SLC12A5: variants seen among roughly 807,000 people sequenced by gnomAD.
SLC12A5 encodes the protein solute carrier family 12 member 5, also known as K-Cl cotransporter 2.
In SLC12A5, 18 loss-of-function variants were observed where a neutral mutation model predicts 124.0. The observed-to-expected ratio is 0.15, with a 90% CI of 0.10 to 0.22. SLC12A5 has a LOEUF of 0.22. Ranked by LOEUF, SLC12A5 falls within the 10% of genes least tolerant of loss-of-function variation. The pLI, the probability that SLC12A5 is intolerant of heterozygous loss-of-function variation, is 1.00. For synonymous variants in SLC12A5, 589 were observed against 568.0 expected, an observed-to-expected ratio of 1.04 and a Z score of -0.53; for missense variants, 867 against 1,478.7, an observed-to-expected ratio of 0.59 and a Z score of 6.78.
chr20:46,047,403 C>G, intron 14 of SLC12A5, 51 bp from the exon 15 acceptor site: 1 of 1,596,706 alleles, frequency 6.3e-7, no homozygotes, highest in Non-Finnish European at 8.6e-7. Flanking sequence ...GTCCCAGCTT[C>G]AGCAACAGCC....
rs1288845168 is a variant in SLC12A5 at position 46,056,102 on chromosome 20, G to A, written c.2788-48G>A. The A allele has an allele frequency of 6.2e-7, 1 of 1,609,832 alleles. No homozygotes were observed. The highest frequency in any genetic ancestry group is 8.5e-7 in the Non-Finnish European group (1 of 1,177,918). ...CTGGTGATAGCTCTTTGCAGGGCAT[G>A]GGTGGTGACTCCCAGCAGAGCTGGC... On this transcript the variant is annotated intron_variant, in intron 21 of 25. Transcript: ENST00000243964. This position sits in a 1 kb window ranked among gnomAD's most constrained non-coding sequence, Gnocchi z 4.3.
chr20:46,039,681 A>G (rs920026609), intron 6 of SLC12A5, among the ~76,000 whole-genome samples: 2 of 152,110 alleles, frequency 1.3e-5, no homozygotes, highest in African/African-American at 4.8e-5. Context: ...AGGCTGAGGC[A>G]GGAGAATCAC....
rs2084705971 is a variant in SLC12A5 at position 46,057,373 on chromosome 20, T to G, written c.3259+70T>G. 6.2e-7 allele frequency: 1 copy of G among 1,610,610 alleles called. No individual in the cohort carries two copies. Among genetic ancestry groups the G allele is most frequent in the Non-Finnish European group, 8.5e-7 (1 of 1,177,032 alleles). On this transcript the variant is annotated intron_variant, in intron 25 of 25. Coordinates refer to ENST00000243964, the MANE Select transcript of SLC12A5 (RefSeq NM_020708.5). This position sits in a 1 kb window ranked among gnomAD's most constrained non-coding sequence, Gnocchi z 7.1. ...GGGAATCTGGGTCCTGTCCCTGGGATGGAAGAGCTGAGCTGTTCCTGCCTC... is the reference window on the plus strand; with the variant it reads ...GGGAATCTGGGTCCTGTCCCTGGGAGGGAAGAGCTGAGCTGTTCCTGCCTC...
intron 9 of SLC12A5, 100 bp downstream of exon 9, chr20:46,043,423 A>G (rs767871416): frequency 5.5e-6 from 8 of 1,445,268 alleles, no homozygotes; most frequent in Non-Finnish European, 7.6e-6. Flanking sequence ...AAACCCCATC[A>G]TGAAAGCAAC....
At position 46,056,596 on chromosome 20, in the gene SLC12A5, G is replaced by T. The variant is rs1380339581; in HGVS notation, c.3110+32G>T. On this transcript the variant is annotated intron_variant, in intron 23 of 25. Transcript: ENST00000243964. This position sits in a 1 kb window ranked among gnomAD's most constrained non-coding sequence, Gnocchi z 4.3. ...GCCTGGGGGCTAAGGGCTGGGGGCT[G>T]GGGTGAGCTAAAGGGTCTTGCTCCC... The T allele has an allele frequency of 3.1e-6, 5 of 1,599,708 alleles. No homozygotes were observed. Among genetic ancestry groups the T allele is most frequent in the Non-Finnish European group, 4.3e-6 (5 of 1,172,284 alleles).
intron 1 of SLC12A5, among the ~76,000 whole-genome samples, chr20:46,029,805 T>G (rs2084429897): frequency 6.6e-6 from 1 of 151,894 alleles, no homozygotes; most frequent in African/African-American, 2.4e-5. Context: ...GGGCGCAGTC[T>G]GCTGCAGTCC....
intron 17 of SLC12A5, among the ~76,000 whole-genome samples, chr20:46,050,050 G>A (rs2084634484): frequency 6.6e-6 from 1 of 152,236 alleles, no homozygotes; most frequent in Non-Finnish European, 1.5e-5. Context: ...CAGGTCATAT[G>A]TCTAAGGACA....
At chr20:46,023,332 C>T (rs2145466151) in intron 2 of SLC12A5, 1 of 398,616 alleles carries the variant, frequency 2.5e-6, no homozygotes, top group East Asian at 3.6e-5. Context: ...GTAAGAAATT[C>T]TGGAGCCATT....
rs187390938 is a variant in SLC12A5, at chr20:46,053,505, G to C, written c.2548-73G>C. ...GGGTGGGAAGAGGGGAAGGGTGAGC[G>C]GACAGGGCCTGGCCCTGGATCTCCT... On this transcript the variant is annotated intron_variant, in intron 19 of 25. Coordinates refer to ENST00000243964, the MANE Select transcript of SLC12A5 (RefSeq NM_020708.5). The surrounding 1 kb of genome is among the most constrained non-coding windows in gnomAD (Gnocchi z 4.7). 1.7e-5 allele frequency: 27 copies of C among 1,583,332 alleles called. No homozygotes were observed. The highest frequency in any genetic ancestry group is 2.2e-5 in the Non-Finnish European group (25 of 1,162,506).
upstream of SLC12A5, among the ~76,000 whole-genome samples, chr20:46,027,139 C>T (rs1175968984): frequency 6.6e-6 from 1 of 152,116 alleles, no homozygotes; most frequent in Non-Finnish European, 1.5e-5. Context: ...AGTGGAGTGG[C>T]ATGCTTAAAA....
chr20:46,044,815 A>G, intron 11 of SLC12A5, 151 bp from the exon 12 acceptor site: 2 of 821,878 alleles, frequency 2.4e-6, no homozygotes, highest in Middle Eastern at 2.4e-4. Flanking sequence ...GGAAAAAACA[A>G]TGGAACATTT....
chr20:46,043,585 G>T, intron 9 of SLC12A5, 48 bp from the exon 10 acceptor site: 1 of 1,590,250 alleles, frequency 6.3e-7, no homozygotes, highest in South Asian at 1.1e-5. Context: ...CATCTGTCTG[G>T]TCTCCTGTGG....
At chr20:46,027,147 A>C (rs1369480110), upstream of SLC12A5, among the ~76,000 whole-genome samples, 4 of 152,072 alleles carry the variant, frequency 2.6e-5, no homozygotes, top group Non-Finnish European at 5.9e-5. Flanking sequence ...GGCATGCTTA[A>C]AAATTTTTGA....
intron 3 of SLC12A5, 120 bp from the exon 4 acceptor site, chr20:46,035,657 G>T: frequency 6.6e-7 from 1 of 1,510,740 alleles, no homozygotes; most frequent in Non-Finnish European, 8.9e-7. Context: ...AAAGAAGAGG[G>T]ATGAAGGGTT....
chr20:46,052,991 C>T lies in SLC12A5; in HGVS notation c.2412C>T (p.Ala804=), dbSNP rs767170648. ...GGGAAACCACAGCTGGCCACTTAGC[C>T]CTGCTGGTCACCAAGAACGTTTCCA... The part of the protein sequence containing the change: ...LVRETTAGHL[A]LLVTKNVSMF... The change falls in exon 19 of 26, where the codon GCC becomes GCT. Residue 804 remains alanine, a synonymous_variant. Coordinates refer to ENST00000243964, the MANE Select transcript of SLC12A5 (RefSeq NM_020708.5). 1.9e-6 allele frequency: 3 copies of T among 1,613,992 alleles called. No homozygotes were observed. In the East Asian group the frequency reaches 6.7e-5, roughly 36 times the overall value.
intron 17 of SLC12A5, among the ~76,000 whole-genome samples, chr20:46,050,113 C>A (rs181142145): frequency 2.1e-4 from 32 of 152,336 alleles, no homozygotes; most frequent in African/African-American, 7.5e-4. Context: ...AGACTCCTTC[C>A]TGCCAAAGTA....
At chr20:46,046,066 C>A in intron 13 of SLC12A5, 70 bp downstream of exon 13, 2 of 1,407,746 alleles carry the variant, frequency 1.4e-6, no homozygotes, top group Admixed American at 3.4e-5. Context: ...GCAGCCGTTA[C>A]CTGTGACAAC....
rs2084483791 is a variant in SLC12A5 at position 46,034,953 on chromosome 20, G to A, written c.58G>A (p.Gly20Ser). 1 of 1,613,972 alleles carries A rather than the reference G, an allele frequency of 6.2e-7. No homozygotes were observed. Among genetic ancestry groups the A allele is most frequent in the Non-Finnish European group, 8.5e-7 (1 of 1,179,942 alleles). Residue 20 changes from glycine to serine, a missense_variant, in exon 2 of 26, where the codon GGC (glycine) becomes AGC (serine). Gly to Ser is a moderately conservative substitution (Grantham distance 56). Around this residue, in one of 9 missense-constraint regions of SLC12A5, gnomAD observed 58 missense variants for 52.2 expected, o/e 1.11. Transcript: ENST00000243964. ...DGDGGANPGD[G>S]NPKESSPFIN... ...TGACCCCTCTCCCTTCTCAGGTGATGGCAACCCCAAGGAAAGCAGTCCCTT... is the reference window on the plus strand; with the variant it reads ...TGACCCCTCTCCCTTCTCAGGTGATAGCAACCCCAAGGAAAGCAGTCCCTT...
chr20:46,044,958 C>G lies in SLC12A5; in HGVS notation c.1395-8C>G. The G allele has an allele frequency of 6.2e-7, 1 of 1,614,230 alleles. No individual in the cohort carries two copies. The highest frequency in any genetic ancestry group is 8.5e-7 in the Non-Finnish European group (1 of 1,180,032). On this transcript the variant is annotated splice_region_variant and splice_polypyrimidine_tract_variant and intron_variant, in intron 11 of 25. Transcript: ENST00000243964. ...CTCACCTGGCATCTCCTGTCCACAT[C>G]ATTCCAGGTTTGGCGAAGCTGTGAA... is the stretch of plus-strand genomic sequence containing the variant.
Sources: gnomAD v4.1 joint callset for allele counts (sites outside exome capture counted in the v4.1 genomes callset) on GRCh38, gnomAD v4.1.1 for gene constraint, gnomAD v4.1.1 regional missense constraint, Gnocchi (gnomAD v3.1) non-coding constraint, MANE v1.5 for transcripts, NCBI Gene and HGNC (gene_info 2026-07-23, HGNC 2026-07-21) for gene names.